H1-1: variants seen among roughly 807,000 people sequenced by gnomAD.
H1-1 encodes histone H1.1.
H1-1 carries 2 observed loss-of-function variants against 0.8 expected under a neutral mutation model. That is an observed-to-expected ratio of 2.64 (90% confidence interval 1.08 to 8.30). H1-1 has a LOEUF of 8.30. Ranked by LOEUF, H1-1 falls within the 30% of genes most tolerant of loss-of-function variation. H1-1 has a pLI of 0.04. For synonymous variants in H1-1, 211 were observed against 108.2 expected, an observed-to-expected ratio of 1.95 and a Z score of -5.89; for missense variants, 516 against 262.6, an observed-to-expected ratio of 1.97 and a Z score of -6.67.
Position 26,017,530 on chromosome 6 carries a change from G to A in H1-1, c.203C>T (p.Ala68Val), listed in dbSNP as rs147576172. 31 of 1,613,978 alleles carry A rather than the reference G, an allele frequency of 1.9e-5. No homozygotes were observed. Among genetic ancestry groups the A allele is most frequent in the Admixed American group, 1.2e-4 (7 of 59,992 alleles). The change falls in exon 1 of 1, where the codon GCG becomes GTG. Residue 68 changes from alanine (A) to valine (V), a missense_variant. Transcript: ENST00000244573. ...GGVSLAALKK[A>V]LAAAGYDVEK... is the part of the protein sequence containing the mutation. ...CACGTCGTAGCCTGCGGCCGCCAGC[G>A]CCTTTTTAAGAGCTGCCAACGACAC... is the stretch of plus-strand genomic sequence containing the variant.
chr6:26,017,333 C>T lies in H1-1; in HGVS notation c.400G>A (p.Gly134Ser), dbSNP rs947497081. 1 of 1,614,072 alleles carries T rather than the reference C, an allele frequency of 6.2e-7. No individual in the cohort carries two copies. Among genetic ancestry groups the T allele is most frequent in the Admixed American group, 1.7e-5 (1 of 60,006 alleles). Residue 134 changes from glycine (G) to serine (S), a missense_variant, in exon 1 of 1, where the codon GGT (glycine) becomes AGT (serine). Transcript: ENST00000244573. ...GCCTTTTTGAGCTTTTTAGATGCAC[C>T]CGTTGCCTTAGTTTTTGTAGCCACC... ...SKVATKTKATGASKKLKKATG... is the reference protein window; with the variant it reads ...SKVATKTKATSASKKLKKATG...
Position 26,017,543 on chromosome 6 carries a change from C to A in H1-1, c.190G>T (p.Ala64Ser). The A allele has an allele frequency of 3.1e-6, 5 of 1,614,170 alleles. No individual in the cohort carries two copies. Among genetic ancestry groups the A allele is most frequent in the Non-Finnish European group, 4.2e-6 (5 of 1,180,026 alleles). Residue 64 changes from alanine (A) to serine (S), a missense_variant, in exon 1 of 1, where the codon GCT becomes TCT. Ala to Ser is a moderately conservative substitution (Grantham distance 99, BLOSUM62 1). Coordinates refer to ENST00000244573, the MANE Select transcript of H1-1 (RefSeq NM_005325.4). The stretch of plus-strand genomic sequence containing the variant: ...GCGGCCGCCAGCGCCTTTTTAAGAG[C>A]TGCCAACGACACACCACCACGCTCC... The part of the protein sequence containing the change: ...SKERGGVSLA[A>S]LKKALAAAGY...
Position 26,017,157 on chromosome 6 carries a change from G to C in H1-1, c.576C>G (p.Pro192=). The part of the protein sequence containing the change: ...KSPAKAKAVK[P]KAAKARVTKP... ...TCGTCACCCTAGCCTTGGCCGCCTTGGGTTTTACAGCCTTAGCTTTAGCAG... is the reference window on the plus strand; with the variant it reads ...TCGTCACCCTAGCCTTGGCCGCCTTCGGTTTTACAGCCTTAGCTTTAGCAG... Residue 192 remains proline (P), a synonymous_variant, in exon 1 of 1, where the codon CCC becomes CCG. Coordinates refer to ENST00000244573, the MANE Select transcript of H1-1 (RefSeq NM_005325.4). 1 of 1,613,104 alleles carries C rather than the reference G, an allele frequency of 6.2e-7. No individual in the cohort carries two copies. The highest frequency in any genetic ancestry group is 8.5e-7 in the Non-Finnish European group (1 of 1,179,812).
In H1-1 at chr6:26,017,289, C is replaced by CT. The variant is rs772154025; in HGVS notation, c.443dup (p.Ser149GlufsTer9). ...TAGCCTTTTTCGGAGTCTTGACGCT[C>CT]TTTTTGCTAGCCCCCGTGGCCTTTT... is the stretch of plus-strand genomic sequence containing the variant. On this transcript the variant is annotated frameshift_variant, in exon 1 of 1. Transcript: ENST00000244573. LOFTEE classifies it low-confidence loss of function (END_TRUNC). 1.2e-6 allele frequency: 2 copies of CT among 1,614,014 alleles called. No individual in the cohort carries two copies. Among genetic ancestry groups the CT allele is most frequent in the South Asian group, 2.2e-5 (2 of 91,076 alleles).
Position 26,017,683 on chromosome 6 carries a change from T to A in H1-1, c.50A>T (p.Lys17Ile). The A allele has an allele frequency of 1.9e-6, 3 of 1,614,042 alleles. No individual in the cohort carries two copies. Among genetic ancestry groups the A allele is most frequent in the Non-Finnish European group, 2.5e-6 (3 of 1,180,014 alleles). The change falls in exon 1 of 1, where the codon AAA (lysine) becomes ATA (isoleucine). Residue 17 changes from lysine to isoleucine, a missense_variant. By Grantham distance (102) the Lys-to-Ile change is moderately radical (BLOSUM62 -3). Coordinates refer to ENST00000244573, the MANE Select transcript of H1-1 (RefSeq NM_005325.4). ...PAPAASAAPE[K>I]PLAGKKAKKP... ...CTTTGCCTTCTTGCCAGCTAAAGGT[T>A]TCTCAGGAGCAGCAGAAGCGGCGGG... is the stretch of plus-strand genomic sequence containing the variant.
In H1-1 at chr6:26,017,154, C is replaced by CT. The variant is rs750590103; in HGVS notation, c.578dup (p.Ala194GlyfsTer5). On this transcript the variant is annotated frameshift_variant, in exon 1 of 1. Coordinates refer to ENST00000244573, the MANE Select transcript of H1-1 (RefSeq NM_005325.4). LOFTEE classifies it high-confidence loss of function. ...GCTTCGTCACCCTAGCCTTGGCCGC[C>CT]TTGGGTTTTACAGCCTTAGCTTTAG... 6.8e-6 allele frequency: 11 copies of CT among 1,612,974 alleles called. No individual in the cohort carries two copies. The highest frequency in any genetic ancestry group is 8.5e-6 in the Non-Finnish European group (10 of 1,179,772).
chr6:26,017,553 C>T lies in H1-1; in HGVS notation c.180G>A (p.Val60=), dbSNP rs1761148534. The T allele has an allele frequency of 1.9e-6, 3 of 1,614,090 alleles. No homozygotes were observed. Among genetic ancestry groups the T allele is most frequent in the African/African-American group, 2.7e-5 (2 of 74,924 alleles). ...GCGCCTTTTTAAGAGCTGCCAACGA[C>T]ACACCACCACGCTCCTTAGAGGAGG... ...AASSSKERGG[V]SLAALKKALA... is the part of the protein sequence containing the mutation. The change falls in exon 1 of 1, where the codon GTG becomes GTA. Residue 60 remains valine (V), a synonymous_variant. Coordinates refer to ENST00000244573, the MANE Select transcript of H1-1 (RefSeq NM_005325.4).
In H1-1 at chr6:26,017,504, C is replaced by T. The variant is rs753744789; in HGVS notation, c.229G>A (p.Glu77Lys). Residue 77 changes from glutamate to lysine, a missense_variant, in exon 1 of 1, where the codon GAG (glutamate) becomes AAG (lysine). Transcript: ENST00000244573. The part of the protein sequence containing the change: ...KALAAAGYDV[E>K]KNNSRIKLGI... The stretch of plus-strand genomic sequence containing the variant: ...AGCTTAATGCGGCTGTTGTTCTTCT[C>T]CACGTCGTAGCCTGCGGCCGCCAGC... The T allele has an allele frequency of 1.2e-6, 2 of 1,614,152 alleles. No individual in the cohort carries two copies. Among genetic ancestry groups the T allele is most frequent in the Admixed American group, 1.7e-5 (1 of 60,020 alleles).
chr6:26,017,585 CCT>C lies in H1-1; in HGVS notation c.146_147del (p.Gln49ArgfsTer6), dbSNP rs1225653529. On this transcript the variant is annotated frameshift_variant, in exon 1 of 1. Transcript: ENST00000244573. LOFTEE classifies it low-confidence loss of function (END_TRUNC). The part of the protein sequence containing the change: ...AGPSVSELIV[Q>X]AASSSKERGG... ...CCACGCTCCTTAGAGGAGGAAGCAG[CCT>C]GCACGATCAGCTCTGACACGGAAGG... 1 of 1,614,078 alleles carries C rather than the reference CCT, an allele frequency of 6.2e-7. No homozygotes were observed. The highest frequency in any genetic ancestry group is 8.5e-7 in the Non-Finnish European group (1 of 1,180,048).
At position 26,017,713 on chromosome 6, in the gene H1-1, G is replaced by A. The variant is rs777641888; in HGVS notation, c.20C>T (p.Pro7Leu). The change falls in exon 1 of 1, where the codon CCC (proline) becomes CTC (leucine). Residue 7 changes from proline to leucine, a missense_variant. Physicochemically the swap from Pro to Leu is moderately conservative, Grantham distance 98. Coordinates refer to ENST00000244573, the MANE Select transcript of H1-1 (RefSeq NM_005325.4). ...AGGAGCAGCAGAAGCGGCGGGGGCG[G>A]GAGGCACTGTTTCAGACATGGTGAC... MSETVP[P>L]APAASAAPEK... is the part of the protein sequence containing the mutation. 12 of 1,613,190 alleles carry A rather than the reference G, an allele frequency of 7.4e-6. No homozygotes were observed. Among genetic ancestry groups the A allele is most frequent in the East Asian group, 2.2e-5 (1 of 44,874 alleles).
In H1-1 at chr6:26,017,549, A is replaced by G; in HGVS notation, c.184T>C (p.Leu62=). Residue 62 remains leucine, a synonymous_variant, in exon 1 of 1, where the codon TTG becomes CTG. Coordinates refer to ENST00000244573, the MANE Select transcript of H1-1 (RefSeq NM_005325.4). ...GCCAGCGCCTTTTTAAGAGCTGCCA[A>G]CGACACACCACCACGCTCCTTAGAG... ...SSSKERGGVS[L]AALKKALAAA... 1.2e-6 allele frequency: 2 copies of G among 1,614,090 alleles called. No homozygotes were observed. Among genetic ancestry groups the G allele is most frequent in the African/African-American group, 1.3e-5 (1 of 74,992 alleles).
rs1246069666 is a variant in H1-1, at chr6:26,017,362, G to A, written c.371C>T (p.Ser124Leu). 2 of 1,613,970 alleles carry A rather than the reference G, an allele frequency of 1.2e-6. No individual in the cohort carries two copies. Among genetic ancestry groups the A allele is most frequent in the South Asian group, 2.2e-5 (2 of 91,078 alleles). The change falls in exon 1 of 1, where the codon TCA (serine) becomes TTA (leucine). Residue 124 changes from serine to leucine, a missense_variant. Transcript: ENST00000244573. ...TGCCTTAGTTTTTGTAGCCACCTTTGAGGCGCCGGGCTTGGTTTCCACGGA... is the reference window on the plus strand; with the variant it reads ...TGCCTTAGTTTTTGTAGCCACCTTTAAGGCGCCGGGCTTGGTTTCCACGGA... Reference protein sequence around the residue: ...ASSVETKPGASKVATKTKATG... With the variant: ...ASSVETKPGALKVATKTKATG...
rs1184882339 is a variant in H1-1, at chr6:26,017,537, T to A, written c.196A>T (p.Lys66Ter). The change falls in exon 1 of 1, where the codon AAA becomes TAA. Residue 66 changes from lysine to a stop codon, truncating the protein, a stop_gained. Transcript: ENST00000244573. LOFTEE classifies it low-confidence loss of function (END_TRUNC). ...ERGGVSLAAL[K>*]KALAAAGYDV... is the part of the protein sequence containing the mutation. Reference sequence around the variant, plus strand: ...TAGCCTGCGGCCGCCAGCGCCTTTTTAAGAGCTGCCAACGACACACCACCA... The same window carrying A: ...TAGCCTGCGGCCGCCAGCGCCTTTTAAAGAGCTGCCAACGACACACCACCA... 6.2e-7 allele frequency: 1 copy of A among 1,614,146 alleles called. No homozygotes were observed. The highest frequency in any genetic ancestry group is 1.7e-5 in the Admixed American group (1 of 60,022).
In H1-1 at chr6:26,017,701, G is replaced by C. The variant is rs776779168; in HGVS notation, c.32C>G (p.Ala11Gly). The change falls in exon 1 of 1, where the codon GCT (alanine) becomes GGT (glycine). Residue 11 changes from alanine to glycine, a missense_variant. Physicochemically the swap from Ala to Gly is moderately conservative, Grantham distance 60. Transcript: ENST00000244573. ...TAAAGGTTTCTCAGGAGCAGCAGAA[G>C]CGGCGGGGGCGGGAGGCACTGTTTC... MSETVPPAPA[A>G]SAAPEKPLAG... 1 of 1,613,646 alleles carries C rather than the reference G, an allele frequency of 6.2e-7. No homozygotes were observed. The highest frequency in any genetic ancestry group is 1.1e-5 in the South Asian group (1 of 91,078).
In H1-1 at chr6:26,017,313, T is replaced by TA. The variant is rs771012273; in HGVS notation, c.419_420insT (p.Lys140AsnfsTer7). On this transcript the variant is annotated frameshift_variant, in exon 1 of 1. Transcript: ENST00000244573. LOFTEE classifies it low-confidence loss of function (END_TRUNC). The stretch of plus-strand genomic sequence containing the variant: ...TCTTTTTGCTAGCCCCCGTGGCCTT[T>TA]TTGAGCTTTTTAGATGCACCCGTTG... 3.9e-5 allele frequency: 63 copies of TA among 1,613,936 alleles called. No individual in the cohort carries two copies. The highest frequency in any genetic ancestry group is 5.0e-5 in the Non-Finnish European group (59 of 1,179,988).
At position 26,017,095 on chromosome 6, in the gene H1-1, T is replaced by C; in HGVS notation, c.638A>G (p.Lys213Arg). 3.8e-6 allele frequency: 6 copies of C among 1,575,652 alleles called. No homozygotes were observed. Among genetic ancestry groups the C allele is most frequent in the South Asian group, 1.2e-5 (1 of 84,312 alleles). Residue 213 changes from lysine (K) to arginine (R), a missense_variant, in exon 1 of 1, where the codon AAG becomes AGG. Lys to Arg is a conservative substitution (Grantham distance 26). Coordinates refer to ENST00000244573, the MANE Select transcript of H1-1 (RefSeq NM_005325.4). ...KTAKPKKAAPKKK is the reference protein window; with the variant it reads ...KTAKPKKAAPRKK ...AACTTCTAACTGAATTTACTTTTTCTTGGGTGCCGCTTTCTTGGGTTTGGC... is the reference window on the plus strand; with the variant it reads ...AACTTCTAACTGAATTTACTTTTTCCTGGGTGCCGCTTTCTTGGGTTTGGC...
Position 26,017,615 on chromosome 6 carries a change from C to A in H1-1, c.118G>T (p.Gly40Cys), listed in dbSNP as rs200874868. Residue 40 changes from glycine (G) to cysteine (C), a missense_variant, in exon 1 of 1, where the codon GGC (glycine) becomes TGC (cysteine). Gly to Cys is a radical substitution (Grantham distance 159, BLOSUM62 -3). Transcript: ENST00000244573. ...AAAASKKKPA[G>C]PSVSELIVQA... The stretch of plus-strand genomic sequence containing the variant: ...ACGATCAGCTCTGACACGGAAGGGC[C>A]AGCGGGTTTTTTCTTGGAGGCTGCT... The A allele has an allele frequency of 9.3e-6, 15 of 1,614,146 alleles. No homozygotes were observed. In the African/African-American group the frequency reaches 1.9e-4, roughly 20 times the overall value.
rs934043870 is a variant in H1-1, at chr6:26,017,141, T to A, written c.592A>T (p.Arg198Trp). ...TTGGCAGTCTTTGGCTTCGTCACCC[T>A]AGCCTTGGCCGCCTTGGGTTTTACA... ...KAVKPKAAKA[R>W]VTKPKTAKPK... The change falls in exon 1 of 1, where the codon AGG becomes TGG. Residue 198 changes from arginine to tryptophan, a missense_variant. Transcript: ENST00000244573. The A allele has an allele frequency of 3.7e-6, 6 of 1,611,482 alleles. No homozygotes were observed. Among genetic ancestry groups the A allele is most frequent in the African/African-American group, 1.3e-5 (1 of 74,570 alleles).
chr6:26,017,244 C>T lies in H1-1; in HGVS notation c.489G>A (p.Arg163=). 3 of 1,613,988 alleles carry T rather than the reference C, an allele frequency of 1.9e-6. No individual in the cohort carries two copies. The highest frequency in any genetic ancestry group is 2.5e-6 in the Non-Finnish European group (3 of 1,180,008). ...PKKAKKPAAT[R]KSSKNPKKPK... ...GTTTTTTTGGATTCTTGGAGGATTT[C>T]CTTGTTGCCGCAGGCTTTTTAGCCT... is the stretch of plus-strand genomic sequence containing the variant. The change falls in exon 1 of 1, where the codon AGG becomes AGA. Residue 163 remains arginine, a synonymous_variant. Transcript: ENST00000244573.
Sources: allele counts gnomAD v4.1 joint callset, GRCh38; gene constraint gnomAD v4.1.1; transcripts MANE v1.5; gene names NCBI Gene and HGNC (gene_info 2026-07-23, HGNC 2026-07-21).